NUMB: variants seen among roughly 807,000 people sequenced by gnomAD.
NUMB encodes the protein NUMB endocytic adaptor protein.
Under a neutral mutation model 59.7 loss-of-function variants are expected in NUMB, and 29 were observed. The observed-to-expected ratio is 0.49, with a 90% CI of 0.36 to 0.66. The LOEUF is 0.66. Among genes scored for constraint, NUMB ranks in the 30% least tolerant of loss-of-function variants. The pLI, the probability that NUMB is intolerant of heterozygous loss-of-function variation, is 0.00. For synonymous variants in NUMB, 288 were observed against 288.2 expected (o/e 1.00, Z 0.01); for missense variants, 723 against 822.0 (o/e 0.88, Z 1.47).
intron 1 of NUMB, among the ~76,000 whole-genome samples, chr14:73,455,016 A>G (rs1884252701): frequency 6.6e-6 from 1 of 152,226 alleles, no homozygotes; most frequent in South Asian, 2.1e-4. Context: ...ACAGAAAAAA[A>G]GCAGTAAATT....
chr14:73,320,198 G>A (rs1425066559), intron 5 of NUMB, among the ~76,000 whole-genome samples: 1 of 152,094 alleles, frequency 6.6e-6, no homozygotes, highest in East Asian at 1.9e-4. Context: ...TTACTCCAGT[G>A]ACCCAAAACT....
intron 5 of NUMB, among the ~76,000 whole-genome samples, chr14:73,322,539 C>T (rs1052179366): frequency 1.3e-5 from 2 of 152,108 alleles, no homozygotes; most frequent in African/African-American, 4.8e-5. Flanking sequence ...AAGGAAACCT[C>T]ACCAGGCATC....
At chr14:73,435,374 C>T (rs892240905) in intron 1 of NUMB, among the ~76,000 whole-genome samples, 2 of 150,794 alleles carry the variant, frequency 1.3e-5, no homozygotes, top group Admixed American at 1.3e-4. Flanking sequence ...CCCAGGTTCA[C>T]GCCATTCTCC....
rs1013605602 is a variant in NUMB, at chr14:73,275,306, G to A, written c.*1272C>T. 1 of 152,456 alleles carries A rather than the reference G, an allele frequency of 6.6e-6. No individual in the cohort carries two copies. The highest frequency in any genetic ancestry group is 2.4e-5 in the African/African-American group (1 of 41,392). 9.4% of individuals were successfully genotyped at this position (152,456 alleles called of 1,614,324 possible). A position where few individuals can be genotyped will look rare whatever the true frequency, so the allele number is the denominator to read the frequency against. On this transcript the variant is annotated 3_prime_UTR_variant, in exon 13 of 13. Coordinates refer to ENST00000555238, the MANE Select transcript of NUMB (RefSeq NM_001005743.2). ...ACTTACATTTGATTGTAAGGCCAACGTTCAAAAGTAAAAATGAGATGAGCT... is the reference window on the plus strand; with the variant it reads ...ACTTACATTTGATTGTAAGGCCAACATTCAAAAGTAAAAATGAGATGAGCT...
At chr14:73,307,725 TGTC>T (rs1356291040) in intron 6 of NUMB, among the ~76,000 whole-genome samples, 1 of 136,754 alleles carries the variant, frequency 7.3e-6, no homozygotes. Flanking sequence ...ATCGGGCCTC[TGTC>T]TTTTTTTTTT....
chr14:73,312,994 T>TC (rs1181448520), intron 6 of NUMB, among the ~76,000 whole-genome samples: 1 of 151,722 alleles, frequency 6.6e-6, no homozygotes, highest in East Asian at 1.9e-4. Flanking sequence ...GTATGTCTTT[T>TC]TTTTTTTTTT....
At chr14:73,346,911 T>C (rs1460761723) in intron 4 of NUMB, among the ~76,000 whole-genome samples, 1 of 152,222 alleles carries the variant, frequency 6.6e-6, no homozygotes, top group East Asian at 1.9e-4. Context: ...GTTCTCTACA[T>C]GCTTCTTTGT....
At chr14:73,311,685 T>C (rs1890784474) in intron 6 of NUMB, among the ~76,000 whole-genome samples, 2 of 152,246 alleles carry the variant, frequency 1.3e-5, no homozygotes, top group Non-Finnish European at 2.9e-5. Context: ...TCTTGATTAC[T>C]GTTGTTCTAT....
chr14:73,435,987 T>C (rs1046068647), intron 1 of NUMB, among the ~76,000 whole-genome samples: 9 of 145,946 alleles, frequency 6.2e-5, no homozygotes, highest in African/African-American at 1.5e-4. Context: ...GCCTGAGCAA[T>C]AGAGCAAGAC....
At chr14:73,387,249 T>C (rs185988697) in intron 2 of NUMB, among the ~76,000 whole-genome samples, 1 of 152,244 alleles carries the variant, frequency 6.6e-6, no homozygotes, top group Non-Finnish European at 1.5e-5. Flanking sequence ...TGAATTGTAG[T>C]TCCCATAATC....
intron 1 of NUMB, among the ~76,000 whole-genome samples, chr14:73,454,427 G>A (rs567158387): frequency 6.6e-6 from 1 of 152,162 alleles, no homozygotes; most frequent in East Asian, 1.9e-4. Context: ...AGATATAGGG[G>A]TTTTATACTT....
chr14:73,410,343 T>G (rs1221182473), intron 1 of NUMB, among the ~76,000 whole-genome samples: 4 of 152,208 alleles, frequency 2.6e-5, no homozygotes, highest in Non-Finnish European at 4.4e-5. Context: ...AAATTCTCCG[T>G]GCATAAGTCT....
intron 4 of NUMB, among the ~76,000 whole-genome samples, chr14:73,355,347 AT>A (rs1893724455): frequency 6.6e-6 from 1 of 152,184 alleles, no homozygotes; most frequent in Non-Finnish European, 1.5e-5. Flanking sequence ...GTCTTTAGGT[AT>A]TTCAGGATTA....
At chr14:73,287,991 T>C (rs1185878462) in intron 8 of NUMB, among the ~76,000 whole-genome samples, 1 of 152,200 alleles carries the variant, frequency 6.6e-6, no homozygotes, top group Non-Finnish European at 1.5e-5. Context: ...TGGGAATATT[T>C]ACCAGCCACT....
At chr14:73,309,843 T>G (rs1045842390) in intron 6 of NUMB, among the ~76,000 whole-genome samples, 1 of 151,422 alleles carries the variant, frequency 6.6e-6, no homozygotes, top group Non-Finnish European at 1.5e-5. Flanking sequence ...GAATGTAGAT[T>G]TGAATATACT....
At chr14:73,293,328 C>T (rs1036054463) in intron 7 of NUMB, among the ~76,000 whole-genome samples, 1 of 151,910 alleles carries the variant, frequency 6.6e-6, no homozygotes, top group Non-Finnish European at 1.5e-5. Flanking sequence ...TATATATACC[C>T]GATCCAGTGA....
chr14:73,396,320 G>A (rs1896130124), intron 2 of NUMB, among the ~76,000 whole-genome samples: 1 of 118,124 alleles, frequency 8.5e-6, no homozygotes, highest in Non-Finnish European at 1.6e-5. Flanking sequence ...TAATTATTAG[G>A]GGTGTGTGTG....
intron 2 of NUMB, among the ~76,000 whole-genome samples, chr14:73,374,532 T>A (rs1023446057): frequency 6.6e-6 from 1 of 152,126 alleles, no homozygotes; most frequent in Non-Finnish European, 1.5e-5. Context: ...GATCCTTCTA[T>A]TTCATAAGTA....
chr14:73,334,960 A>AAAG (rs1323225044), intron 4 of NUMB, among the ~76,000 whole-genome samples: 1 of 151,642 alleles, frequency 6.6e-6, no homozygotes, highest in Non-Finnish European at 1.5e-5. Flanking sequence ...AAAAAAAAAA[A>AAAG]AAAAAAGGTA....
Sources: gnomAD v4.1 joint callset for allele counts (sites outside exome capture counted in the v4.1 genomes callset) on GRCh38, gnomAD v4.1.1 for gene constraint, MANE v1.5 for transcripts, NCBI Gene and HGNC (gene_info 2026-07-23, HGNC 2026-07-21) for gene names.